Variants in VTI1A observed in about 807,000 individuals in gnomAD.
The protein encoded by VTI1A is vesicle transport through interaction with t-SNAREs homolog 1A.
A neutral mutation model predicts 34.9 loss-of-function variants in VTI1A; 22 were observed. The observed-to-expected ratio is 0.63, with a 90% confidence interval of 0.45 to 0.90. The LOEUF (loss-of-function observed/expected upper bound fraction) is 0.90. Among genes scored for constraint, VTI1A ranks in the 40% least tolerant of loss-of-function variants. The pLI is 0.00. For synonymous variants in VTI1A, 87 were observed against 97.3 expected (o/e 0.89, Z 0.62); for missense variants, 268 against 275.6 (o/e 0.97, Z 0.20).
intron 5 of VTI1A, among the ~76,000 whole-genome samples, chr10:112,608,758 A>G (rs1243968261): frequency 3.3e-5 from 5 of 152,204 alleles, no homozygotes; most frequent in Non-Finnish European, 7.3e-5. Context: ...CTTAAGATGC[A>G]GCATTCTGAT....
intron 4 of VTI1A, among the ~76,000 whole-genome samples, chr10:112,528,986 A>G (rs1302949502): frequency 6.6e-6 from 1 of 152,120 alleles, no homozygotes; most frequent in Non-Finnish European, 1.5e-5. Flanking sequence ...ACAAAAATAG[A>G]TTGAGTTCAT....
At chr10:112,582,416 C>T (rs112923169) in intron 5 of VTI1A, among the ~76,000 whole-genome samples, 2 of 152,216 alleles carry the variant, frequency 1.3e-5, no homozygotes, top group African/African-American at 4.8e-5. Flanking sequence ...TCCTCACATG[C>T]CAAGTACATT....
At chr10:112,704,482 A>G (rs1165373034) in intron 7 of VTI1A, among the ~76,000 whole-genome samples, 1 of 151,950 alleles carries the variant, frequency 6.6e-6, no homozygotes, top group Non-Finnish European at 1.5e-5. Flanking sequence ...TAGGCATTTT[A>G]GTGTGTCATT....
intron 7 of VTI1A, among the ~76,000 whole-genome samples, chr10:112,688,788 C>T (rs988757319): frequency 2.0e-5 from 3 of 152,148 alleles, no homozygotes; most frequent in Non-Finnish European, 4.4e-5. Context: ...ATCCACCCAC[C>T]TCAGCCTCCC....
chr10:112,783,838 C>T (rs182275226), intron 7 of VTI1A, among the ~76,000 whole-genome samples: 4 of 152,320 alleles, frequency 2.6e-5, no homozygotes, highest in South Asian at 4.1e-4. Flanking sequence ...CTGGCTCTCC[C>T]GGTCCCCAGA....
chr10:112,603,546 A>G (rs969246315), intron 5 of VTI1A, among the ~76,000 whole-genome samples: 2 of 152,062 alleles, frequency 1.3e-5, no homozygotes, highest in African/African-American at 2.4e-5. Flanking sequence ...GATTTTTCCC[A>G]GTAGGTTTTT....
intron 7 of VTI1A, among the ~76,000 whole-genome samples, chr10:112,745,278 T>C (rs11196085): frequency 0.4 from 60,484 of 151,890 alleles, 15,642 homozygotes; most frequent in African/African-American, 0.74. Flanking sequence ...TCTTTGGCTC[T>C]GTGGTTCAGT....
At chr10:112,570,365 A>C (rs554176267) in intron 5 of VTI1A, among the ~76,000 whole-genome samples, 2 of 152,282 alleles carry the variant, frequency 1.3e-5, no homozygotes, top group East Asian at 3.9e-4. Flanking sequence ...ATGGGGAAAA[A>C]AAAATTGAAA....
At chr10:112,553,989 A>C (rs1018807021) in intron 5 of VTI1A, among the ~76,000 whole-genome samples, 1 of 152,184 alleles carries the variant, frequency 6.6e-6, no homozygotes, top group Non-Finnish European at 1.5e-5. Context: ...GAAAGGATAG[A>C]TGACTTACAG....
intron 4 of VTI1A, among the ~76,000 whole-genome samples, chr10:112,531,114 T>TGCGCGCGCGC (rs142898727): frequency 8.8e-6 from 1 of 113,884 alleles, no homozygotes; most frequent in African/African-American, 3.0e-5. Flanking sequence ...CGTGCGCACG[T>TGCGCGCGCGC]GCGCGCGCGC....
intron 7 of VTI1A, among the ~76,000 whole-genome samples, chr10:112,696,851 CA>C (rs975772402): frequency 6.6e-6 from 1 of 152,142 alleles, no homozygotes; most frequent in Non-Finnish European, 1.5e-5. Context: ...TTAAGTGACA[CA>C]AGTGAACAGG....
chr10:112,838,787 C>T, the VTI1A span, among the ~76,000 whole-genome samples: 1 of 152,200 alleles, frequency 6.6e-6, no homozygotes, highest in Admixed American at 6.5e-5. Flanking sequence ...TAAAGGTTGT[C>T]AGATCTGGGT....
At chr10:112,646,754 A>C (rs1010961315) in intron 5 of VTI1A, among the ~76,000 whole-genome samples, 53 of 151,578 alleles carry the variant, frequency 3.5e-4, no homozygotes, top group Non-Finnish European at 7.4e-4. Flanking sequence ...CAGGTGATCC[A>C]CCCGCCTCAG....
At chr10:112,680,357 C>T (rs922343019) in intron 7 of VTI1A, among the ~76,000 whole-genome samples, 1 of 152,080 alleles carries the variant, frequency 6.6e-6, no homozygotes, top group Non-Finnish European at 1.5e-5. Flanking sequence ...TCATTATTAT[C>T]TTGTGGTATA....
At chr10:112,657,821 T>TG (rs35203233) in intron 5 of VTI1A, among the ~76,000 whole-genome samples, 17,718 of 136,262 alleles carry the variant, frequency 0.13, 1,048 homozygotes, top group Middle Eastern at 0.15. Flanking sequence ...GTGTGTGTGT[T>TG]TGTGTGTGTA....
chr10:112,581,230 C>T (rs1195095193), intron 5 of VTI1A, among the ~76,000 whole-genome samples: 1 of 152,236 alleles, frequency 6.6e-6, no homozygotes, highest in African/African-American at 2.4e-5. Flanking sequence ...GCATCATTCT[C>T]TCTGCATAGC....
At chr10:112,520,621 A>ATGTGTGTG (rs150383079) in intron 3 of VTI1A, among the ~76,000 whole-genome samples, 11 of 138,094 alleles carry the variant, frequency 8.0e-5, no homozygotes, top group Admixed American at 2.2e-4. Context: ...TAGTCTCTAT[A>ATGTGTGTG]TGTGTGTGTG....
the VTI1A span, among the ~76,000 whole-genome samples, chr10:112,835,316 C>T: frequency 1.6e-3 from 236 of 152,222 alleles, no homozygotes; most frequent in Middle Eastern, 3.4e-3. Flanking sequence ...AAACAATGCA[C>T]GAAAAAGCAG....
intron 1 of VTI1A, among the ~76,000 whole-genome samples, chr10:112,457,465 C>T (rs996117458): frequency 6.6e-6 from 1 of 152,120 alleles, no homozygotes; most frequent in Non-Finnish European, 1.5e-5. Context: ...ATTAGGATTA[C>T]ATAAGAGTTA....
Sources: allele counts gnomAD v4.1 joint callset (sites outside exome capture counted in the v4.1 genomes callset), GRCh38; gene constraint gnomAD v4.1.1; transcripts MANE v1.5; gene names NCBI Gene and HGNC (gene_info 2026-07-23, HGNC 2026-07-21).